The following ANTXR1 variants were observed in gnomAD, a reference collection of about 807,000 sequenced individuals.
ANTXR1 encodes the protein ANTXR cell adhesion molecule 1.
In ANTXR1, 19 loss-of-function variants were observed where a neutral mutation model predicts 78.1. That is an observed-to-expected ratio of 0.24 (90% CI 0.17 to 0.36). The LOEUF (loss-of-function observed/expected upper bound fraction) is 0.36. Ranked by LOEUF, ANTXR1 falls within the 10% of genes least tolerant of loss-of-function variation. The probability of loss-of-function intolerance (pLI) is 1.00; values close to 1 mark genes in which losing one functional copy is unlikely to be tolerated. For missense variants in ANTXR1, 518 were observed against 718.6 expected (o/e 0.72, Z 3.19); for synonymous variants, 273 against 260.5 (o/e 1.05, Z -0.46).
At chr2:69,098,983 C>CTAAATAAATAAATAAATAAATAAATAAA (rs56154212) in intron 9 of ANTXR1, among the ~76,000 whole-genome samples, 77 of 151,712 alleles carry the variant, frequency 5.1e-4, no homozygotes, top group African/African-American at 1.8e-3. Flanking sequence ...GAGACTGCGT[C>CTAAATAAATAAATAAATAAATAAATAAA]TAAATAAATA....
chr2:69,214,859 C>T (rs1008217622), intron 17 of ANTXR1, among the ~76,000 whole-genome samples: 1 of 152,224 alleles, frequency 6.6e-6, no homozygotes, highest in Non-Finnish European at 1.5e-5. Context: ...GTTTCCTTGA[C>T]ACAGGCAGAT....
chr2:69,018,863 A>G (rs1487436070), intron 1 of ANTXR1, among the ~76,000 whole-genome samples: 2 of 152,200 alleles, frequency 1.3e-5, no homozygotes, highest in African/African-American at 4.8e-5. Flanking sequence ...TCAGAGTTTC[A>G]GTAAATCATG....
chr2:69,086,657 G>A (rs557767820), intron 8 of ANTXR1, among the ~76,000 whole-genome samples: 8 of 57,706 alleles, frequency 1.4e-4, no homozygotes, highest in African/African-American at 5.1e-4. Flanking sequence ...GCGATGGGGC[G>A]TAAGCACATG....
chr2:69,090,226 T>C (rs1006707836), intron 8 of ANTXR1, among the ~76,000 whole-genome samples: 12 of 151,928 alleles, frequency 7.9e-5, no homozygotes, highest in African/African-American at 2.9e-4. Flanking sequence ...ATTTCCGTCC[T>C]ATCTCTCCAG....
chr2:69,227,986 G>A (rs543744180), intron 17 of ANTXR1, among the ~76,000 whole-genome samples: 16 of 152,196 alleles, frequency 1.1e-4, no homozygotes, highest in Non-Finnish European at 2.4e-4. Flanking sequence ...GTGAAACTCA[G>A]GGGTTCTACT....
At chr2:69,180,374 G>A (rs1674243164) in intron 14 of ANTXR1, among the ~76,000 whole-genome samples, 1 of 152,118 alleles carries the variant, frequency 6.6e-6, no homozygotes, top group Non-Finnish European at 1.5e-5. Context: ...TCTCTACCCA[G>A]GAGAGAAATC....
At chr2:69,040,909 A>G (rs1254536535) in intron 2 of ANTXR1, among the ~76,000 whole-genome samples, 2 of 152,168 alleles carry the variant, frequency 1.3e-5, no homozygotes, top group African/African-American at 4.8e-5. Context: ...GAGTGACCAT[A>G]AAGTTCTTCT....
intron 13 of ANTXR1, among the ~76,000 whole-genome samples, chr2:69,153,290 A>G (rs1180151763): frequency 6.6e-6 from 1 of 152,174 alleles, no homozygotes; most frequent in Non-Finnish European, 1.5e-5. Flanking sequence ...ATCTGTGTGT[A>G]CAGCTCAACT....
chr2:69,049,269 C>T (rs1669864099), intron 3 of ANTXR1, among the ~76,000 whole-genome samples: 1 of 152,034 alleles, frequency 6.6e-6, no homozygotes, highest in Non-Finnish European at 1.5e-5. Context: ...TTGGGGAAAA[C>T]AATAGGTTTC....
intron 1 of ANTXR1, among the ~76,000 whole-genome samples, chr2:69,039,095 T>G (rs189365329): frequency 7.6e-4 from 115 of 152,232 alleles, no homozygotes; most frequent in Non-Finnish European, 1.3e-3. Flanking sequence ...AAGAGCAAAC[T>G]CTAACCTCAA....
chr2:69,173,013 T>G (rs949876296), intron 14 of ANTXR1, among the ~76,000 whole-genome samples: 5 of 152,240 alleles, frequency 3.3e-5, no homozygotes, highest in Non-Finnish European at 5.9e-5. Context: ...GTTCTGCATG[T>G]AATCACCTTC....
intron 3 of ANTXR1, 151 bp downstream of exon 3, chr2:69,044,964 C>T: frequency 1.4e-6 from 1 of 720,878 alleles, no homozygotes; most frequent in Non-Finnish European, 2.4e-6. Context: ...CGTATGGGCA[C>T]ATGGGTCCTG....
chr2:69,160,364 C>G (rs1480220149), intron 13 of ANTXR1, among the ~76,000 whole-genome samples: 1 of 152,130 alleles, frequency 6.6e-6, no homozygotes, highest in Non-Finnish European at 1.5e-5. Flanking sequence ...GGTTTCAATG[C>G]CGCATCTTCC....
intron 12 of ANTXR1, among the ~76,000 whole-genome samples, chr2:69,137,161 A>G (rs762655876): frequency 2.0e-5 from 3 of 152,176 alleles, no homozygotes; most frequent in Non-Finnish European, 2.9e-5. Flanking sequence ...GTTTGTCCCT[A>G]CAGCAGTCTT....
Position 69,135,147 on chromosome 2 carries a change from G to A in ANTXR1, c.951+10504G>A, listed in dbSNP as rs1672873470. On this transcript the variant is annotated intron_variant, in intron 12 of 17. Coordinates refer to ENST00000303714, the MANE Select transcript of ANTXR1 (RefSeq NM_032208.3). ...TTGACAACCCTTGTAACCCTTATAT[G>A]TATAAAAATATCTTTTAAAAGATGT... 3.1e-5 allele frequency: 8 copies of A among 255,726 alleles called. No individual in the cohort carries two copies. The South Asian group carries it at 3.2e-4, about 10-fold the overall frequency. 15.8% of individuals were successfully genotyped at this position (255,726 alleles called of 1,614,324 possible).
Position 69,027,621 on chromosome 2 carries a change from A to AGTGTGTGTGTGTGT in ANTXR1, c.153-12418_153-12405dup, listed in dbSNP as rs10631795. On this transcript the variant is annotated intron_variant, in intron 1 of 17. Coordinates refer to ENST00000303714, the MANE Select transcript of ANTXR1 (RefSeq NM_032208.3). ...AAGTTTATAAGTGTGAGATGATGCA[A>AGTGTGTGTGTGTGT]GTGTGTGTGTGTGTGTGTATGTGTG... 1.2e-3 allele frequency among the ~76,000 whole-genome samples: 174 copies of AGTGTGTGTGTGTGT among 146,946 alleles called. 2 individuals carry two copies. The highest frequency in any genetic ancestry group is 4.3e-3 in the African/African-American group (165 of 38,300).
chr2:69,177,924 C>T (rs1316116046), intron 14 of ANTXR1, among the ~76,000 whole-genome samples: 1 of 152,170 alleles, frequency 6.6e-6, no homozygotes, highest in Admixed American at 6.5e-5. Flanking sequence ...ATTTCTCATT[C>T]ACAGCAATTG....
intron 17 of ANTXR1, among the ~76,000 whole-genome samples, chr2:69,214,564 G>A (rs1675131740): frequency 1.3e-5 from 2 of 152,120 alleles, no homozygotes; most frequent in East Asian, 3.8e-4. Context: ...CCCCAGCTAG[G>A]CTAAACTCCA....
At chr2:69,045,741 T>C (rs1669747285) in intron 3 of ANTXR1, among the ~76,000 whole-genome samples, 1 of 152,176 alleles carries the variant, frequency 6.6e-6, no homozygotes, top group South Asian at 2.1e-4. Flanking sequence ...TGTTAGGATT[T>C]GTAACAGAAA....
Sources: allele counts gnomAD v4.1 joint callset (sites outside exome capture counted in the v4.1 genomes callset), GRCh38; gene constraint gnomAD v4.1.1; transcripts MANE v1.5; gene names NCBI Gene and HGNC (gene_info 2026-07-23, HGNC 2026-07-21).